The following CTTNBP2 variants were observed in gnomAD, a reference collection of about 807,000 sequenced individuals.
CTTNBP2 encodes the protein cortactin-binding protein 2.
CTTNBP2 carries 108 observed loss-of-function variants against 156.9 expected under a neutral mutation model. The observed-to-expected ratio is 0.69, with a 90% CI of 0.59 to 0.81. CTTNBP2 has a LOEUF of 0.81. Among genes scored for constraint, CTTNBP2 ranks in the 30% least tolerant of loss-of-function variants. The probability of loss-of-function intolerance (pLI) is 0.00; values close to 1 mark genes in which losing one functional copy is unlikely to be tolerated. For synonymous variants in CTTNBP2, 767 were observed against 751.8 expected (o/e 1.02, Z -0.33); for missense variants, 1,924 against 2,035.4 (o/e 0.95, Z 1.05).
At chr7:117,826,026 T>C (rs1199882041) in intron 2 of CTTNBP2, among the ~76,000 whole-genome samples, 1 of 152,214 alleles carries the variant, frequency 6.6e-6, no homozygotes, top group Non-Finnish European at 1.5e-5. Flanking sequence ...ACTGTTTTCA[T>C]GTGTGTGTCC....
intron 2 of CTTNBP2, among the ~76,000 whole-genome samples, chr7:117,830,375 C>A (rs1801526785): frequency 6.6e-6 from 1 of 152,110 alleles, no homozygotes; most frequent in South Asian, 2.1e-4. Context: ...TCCATGGAGA[C>A]CTCCTAAGGT....
chr7:117,737,490 T>C (rs772983665), intron 14 of CTTNBP2, among the ~76,000 whole-genome samples: 18 of 152,236 alleles, frequency 1.2e-4, no homozygotes, highest in South Asian at 8.3e-4. Context: ...AACAAATGTT[T>C]ATCCAATGCC....
intron 2 of CTTNBP2, among the ~76,000 whole-genome samples, chr7:117,860,099 C>T (rs937679270): frequency 1.1e-4 from 16 of 152,210 alleles, no homozygotes; most frequent in East Asian, 5.8e-4. Context: ...CTTCCTAAGA[C>T]AAGGTTTGAG....
chr7:117,807,938 A>C (rs1185626019), intron 3 of CTTNBP2, among the ~76,000 whole-genome samples: 1 of 152,212 alleles, frequency 6.6e-6, no homozygotes, highest in Admixed American at 6.5e-5. Flanking sequence ...TGCCTTCTCA[A>C]TGAACATTGG....
At chr7:117,721,721 G>A (rs1794801651) in intron 19 of CTTNBP2, among the ~76,000 whole-genome samples, 1 of 152,148 alleles carries the variant, frequency 6.6e-6, no homozygotes, top group South Asian at 2.1e-4. Context: ...TGCAGATTAT[G>A]ACACAGTTAA....
intron 8 of CTTNBP2, among the ~76,000 whole-genome samples, chr7:117,769,681 G>A (rs190648974): frequency 2.1e-3 from 323 of 152,260 alleles, no homozygotes; most frequent in African/African-American, 5.0e-3. Flanking sequence ...TACTAATTTG[G>A]ACAAAATCAG....
chr7:117,829,290 T>C (rs1023051145), intron 2 of CTTNBP2, among the ~76,000 whole-genome samples: 10 of 152,208 alleles, frequency 6.6e-5, no homozygotes, highest in African/African-American at 1.2e-4. Context: ...ATGTCCTTAG[T>C]CTCTCATTAA....
intron 3 of CTTNBP2, among the ~76,000 whole-genome samples, chr7:117,797,410 T>C (rs1799377102): frequency 6.6e-6 from 1 of 152,120 alleles, no homozygotes; most frequent in Admixed American, 6.5e-5. Flanking sequence ...CAGTGTTCAG[T>C]ATACAATAAG....
intron 14 of CTTNBP2, among the ~76,000 whole-genome samples, chr7:117,742,735 G>A (rs1796088404): frequency 6.6e-6 from 1 of 152,158 alleles, no homozygotes; most frequent in Admixed American, 6.5e-5. Context: ...GAGAGCACCT[G>A]GGGTTCCATG....
intron 19 of CTTNBP2, among the ~76,000 whole-genome samples, chr7:117,721,985 G>A (rs992796970): frequency 1.4e-4 from 22 of 152,186 alleles, no homozygotes; most frequent in African/African-American, 4.1e-4. Context: ...TCTAAAGAAT[G>A]TTTTGGAAAA....
intron 9 of CTTNBP2, among the ~76,000 whole-genome samples, chr7:117,766,258 A>C (rs1797479391): frequency 6.6e-6 from 1 of 152,174 alleles, no homozygotes; most frequent in Non-Finnish European, 1.5e-5. Flanking sequence ...TCAATGATAA[A>C]TAAAGCCTTC....
At chr7:117,828,711 A>G (rs1281538458) in intron 2 of CTTNBP2, among the ~76,000 whole-genome samples, 1 of 152,202 alleles carries the variant, frequency 6.6e-6, no homozygotes, top group Non-Finnish European at 1.5e-5. Flanking sequence ...TGCTATTTAT[A>G]TTACATCATT....
At chr7:117,858,046 C>T (rs928770747) in intron 2 of CTTNBP2, among the ~76,000 whole-genome samples, 3 of 152,178 alleles carry the variant, frequency 2.0e-5, no homozygotes, top group Non-Finnish European at 4.4e-5. Flanking sequence ...AAAGAAATCA[C>T]AATTCTCAAT....
intron 9 of CTTNBP2, among the ~76,000 whole-genome samples, chr7:117,765,223 A>T (rs1797423283): frequency 6.6e-6 from 1 of 152,222 alleles, no homozygotes; most frequent in South Asian, 2.1e-4. Context: ...GACGTGAGCC[A>T]CCACACCTGG....
intron 16 of CTTNBP2, 120 bp downstream of exon 16, chr7:117,734,793 G>A (rs1284260363): frequency 6.0e-6 from 4 of 665,796 alleles, no homozygotes; most frequent in Admixed American, 7.4e-5. Context: ...GCCCTTGAAT[G>A]TCAAAAAGCT....
chr7:117,791,347 T>C lies in CTTNBP2; in HGVS notation c.1849A>G (p.Ile617Val), dbSNP rs775689473. ...SSPQLPPKPSIDLTVAPAGCA... is the reference protein window; with the variant it reads ...SSPQLPPKPSVDLTVAPAGCA... ...CCTGCAGGTGCCACAGTTAAATCTA[T>C]GGATGGTTTTGGTGGCAGCTGAGGG... Residue 617 changes from isoleucine to valine, a missense_variant, in exon 4 of 23, where the codon ATA becomes GTA. Coordinates refer to ENST00000160373, the MANE Select transcript of CTTNBP2 (RefSeq NM_033427.3). 4 of 1,613,964 alleles carry C rather than the reference T, an allele frequency of 2.5e-6. No individual in the cohort carries two copies. The highest frequency in any genetic ancestry group is 2.7e-5 in the African/African-American group (2 of 74,910).
At chr7:117,809,958 C>G (rs991114330) in intron 3 of CTTNBP2, among the ~76,000 whole-genome samples, 3 of 152,328 alleles carry the variant, frequency 2.0e-5, no homozygotes, top group Non-Finnish European at 4.4e-5. Flanking sequence ...TTCTCACTCT[C>G]TTTTCTAATA....
intron 2 of CTTNBP2, among the ~76,000 whole-genome samples, chr7:117,815,285 A>G (rs1217718976): frequency 1.3e-5 from 2 of 152,202 alleles, no homozygotes; most frequent in African/African-American, 4.8e-5. Context: ...CATAGATTAA[A>G]TAAGAATAGG....
intron 2 of CTTNBP2, among the ~76,000 whole-genome samples, chr7:117,824,650 T>A (rs1353371841): frequency 6.6e-6 from 1 of 152,246 alleles, no homozygotes; most frequent in Non-Finnish European, 1.5e-5. Flanking sequence ...CACAGCTGCA[T>A]GGCTAGAAAT....
Sources: gnomAD v4.1 joint callset for allele counts (sites outside exome capture counted in the v4.1 genomes callset) on GRCh38, gnomAD v4.1.1 for gene constraint, MANE v1.5 for transcripts, NCBI Gene and HGNC (gene_info 2026-07-23, HGNC 2026-07-21) for gene names.